Variants in SAP130 observed in about 807,000 individuals in gnomAD.
SAP130 encodes Sin3A associated protein 130.
In SAP130, 16 loss-of-function variants were observed where a neutral mutation model predicts 103.2. The observed-to-expected ratio is 0.16, with a 90% confidence interval of 0.10 to 0.24. SAP130 has a LOEUF of 0.24. Ranked by LOEUF, SAP130 falls within the 10% of genes least tolerant of loss-of-function variation. The pLI is 1.00. For synonymous variants in SAP130, 477 were observed against 497.0 expected, an observed-to-expected ratio of 0.96 and a Z score of 0.53; for missense variants, 990 against 1,359.7, an observed-to-expected ratio of 0.73 and a Z score of 4.28.
In SAP130 at chr2:127,942,315, A is replaced by G; in HGVS notation, c.3015+109T>C. 9.3e-7 allele frequency: 1 copy of G among 1,079,944 alleles called. No individual in the cohort carries two copies. The highest frequency in any genetic ancestry group is 1.4e-6 in the Non-Finnish European group (1 of 718,318). 66.9% of individuals were successfully genotyped at this position (1,079,944 alleles called of 1,614,324 possible). Reference sequence around the variant, plus strand: ...CTCAGGAGTGCAGGCTGAAGCACGTATGTTTTTACTGAAGATATGAGGGAG... The same window carrying G: ...CTCAGGAGTGCAGGCTGAAGCACGTGTGTTTTTACTGAAGATATGAGGGAG... On this transcript the variant is annotated intron_variant, in intron 20 of 20. Transcript: ENST00000643581. The surrounding 1 kb of genome is among the most constrained non-coding windows in gnomAD (Gnocchi z 4.8).
chr2:128,024,575 A>G (rs934369650), intron 2 of SAP130, among the ~76,000 whole-genome samples: 1 of 151,740 alleles, frequency 6.6e-6, no homozygotes, highest in Non-Finnish European at 1.5e-5. Flanking sequence ...TTAGCTGAAC[A>G]TGTGGCTGGG....
chr2:127,983,802 G>T (rs1012539283), intron 14 of SAP130, among the ~76,000 whole-genome samples: 5 of 123,934 alleles, frequency 4.0e-5, no homozygotes, highest in Non-Finnish European at 8.6e-5. Context: ...TTCAGTTTTG[G>T]TAATTTTCTA....
Position 127,941,709 on chromosome 2 carries a change from C to A in SAP130, c.*297G>T, listed in dbSNP as rs977096343. 7.7e-6 allele frequency: 3 copies of A among 388,550 alleles called. No homozygotes were observed. Among genetic ancestry groups the A allele is most frequent in the African/African-American group, 4.3e-5 (2 of 46,424 alleles). 24.1% of individuals were successfully genotyped at this position (388,550 alleles called of 1,614,324 possible). ...CTATAAACCGGAAGGCTGAAAAACA[C>A]CAGCCAGCCATCCTTGTCATTGCTT... On this transcript the variant is annotated 3_prime_UTR_variant, in exon 21 of 21. Transcript: ENST00000643581.
At chr2:127,952,246 T>A (rs1573633706) in intron 16 of SAP130, among the ~76,000 whole-genome samples, 1 of 151,810 alleles carries the variant, frequency 6.6e-6, no homozygotes, top group Non-Finnish European at 1.5e-5. Context: ...AGATCAGGAG[T>A]TCGAGACCAG....
intron 2 of SAP130, among the ~76,000 whole-genome samples, chr2:128,025,070 A>T (rs926823015): frequency 1.3e-5 from 2 of 151,498 alleles, no homozygotes; most frequent in African/African-American, 4.9e-5. Context: ...ATCATTTACC[A>T]TAAGGAACAC....
chr2:127,999,678 G>T, intron 10 of SAP130, 63 bp downstream of exon 10: 1 of 821,236 alleles, frequency 1.2e-6, no homozygotes, highest in Non-Finnish European at 1.9e-6. Context: ...CACCATGAAG[G>T]CCTAGTCTGA....
rs1026486029 is a variant in SAP130 at position 127,941,759 on chromosome 2, C to T, written c.*247G>A. On this transcript the variant is annotated 3_prime_UTR_variant, in exon 21 of 21. Coordinates refer to ENST00000643581, the MANE Select transcript of SAP130 (RefSeq NM_001330301.2). The stretch of plus-strand genomic sequence containing the variant: ...TCCAACTGGTGGACACTGATGCATC[C>T]GGAGTCACTTATGACACAGATCAGG... 2.1e-4 allele frequency: 100 copies of T among 485,386 alleles called. 2 individuals carry two copies. The Admixed American group carries it at 3.2e-3, about 16-fold the overall frequency. The allele number at this position is 485,386 out of a possible 1,614,324, so 30.1% of individuals were successfully genotyped here.
In SAP130 at chr2:128,026,309, TAC is replaced by T. The variant is rs756458887; in HGVS notation, c.-6-13_-6-12del. ...AGAACTCATTTCCACCTGTAGTACA[TAC>T]AGTTATATGGTTATTACTAGATTCT... On this transcript the variant is annotated splice_polypyrimidine_tract_variant and intron_variant, in intron 1 of 20. Coordinates refer to ENST00000643581, the MANE Select transcript of SAP130 (RefSeq NM_001330301.2). 6.5e-7 allele frequency: 1 copy of T among 1,547,084 alleles called. No homozygotes were observed. Among genetic ancestry groups the T allele is most frequent in the African/African-American group, 1.4e-5 (1 of 73,736 alleles).
intron 14 of SAP130, among the ~76,000 whole-genome samples, chr2:127,985,984 G>T (rs1682356394): frequency 6.6e-6 from 1 of 152,168 alleles, no homozygotes; most frequent in Non-Finnish European, 1.5e-5. Flanking sequence ...TTTGGCCAGG[G>T]CAGTCAAGAG....
chr2:128,013,313 T>A (rs1274510446), intron 5 of SAP130, among the ~76,000 whole-genome samples, 159 bp from the exon 6 acceptor site: 1 of 152,182 alleles, frequency 6.6e-6, no homozygotes, highest in African/African-American at 2.4e-5. Context: ...AAATGTGTAT[T>A]CAAGAGATTT....
At chr2:128,013,989 A>G (rs1168276010) in intron 5 of SAP130, among the ~76,000 whole-genome samples, 1 of 152,242 alleles carries the variant, frequency 6.6e-6, no homozygotes, top group Admixed American at 6.5e-5. Flanking sequence ...TTCAGTATTA[A>G]TATTTGTGAC....
Position 127,941,783 on chromosome 2 carries a change from G to C in SAP130, c.*223C>G, listed in dbSNP as rs987231277. Reference sequence around the variant, plus strand: ...CCGGAGTCACTTATGACACAGATCAGGTTTAACAGGGGTGCACCCGAACGC... The same window carrying C: ...CCGGAGTCACTTATGACACAGATCACGTTTAACAGGGGTGCACCCGAACGC... On this transcript the variant is annotated 3_prime_UTR_variant, in exon 21 of 21. Transcript: ENST00000643581. The C allele has an allele frequency of 1.8e-6, 1 of 543,228 alleles. No homozygotes were observed. The highest frequency in any genetic ancestry group is 2.4e-5 in the South Asian group (1 of 41,252). The allele number at this position is 543,228 out of a possible 1,614,324, so 33.7% of individuals were successfully genotyped here.
Position 127,996,263 on chromosome 2 carries a change from A to G in SAP130, c.1355+87T>C. 8.1e-7 allele frequency: 1 copy of G among 1,237,748 alleles called. No homozygotes were observed. The highest frequency in any genetic ancestry group is 2.5e-5 in the South Asian group (1 of 40,764). 76.7% of individuals were successfully genotyped at this position (1,237,748 alleles called of 1,614,324 possible). A position where few individuals can be genotyped will look rare whatever the true frequency, so the allele number is the denominator to read the frequency against. On this transcript the variant is annotated intron_variant, in intron 11 of 20. Coordinates refer to ENST00000643581, the MANE Select transcript of SAP130 (RefSeq NM_001330301.2). This position sits in a 1 kb window ranked among gnomAD's most constrained non-coding sequence, Gnocchi z 4.3. ...AAAACATGAGTAATAAATATAGGCC[A>G]TATTTGTGGGACACTTTGTTTTATG...
Position 127,941,952 on chromosome 2 carries a change from A to ACCCCCC in SAP130, c.*53_*54insGGGGGG. 2 of 200,450 alleles carry ACCCCCC rather than the reference A, an allele frequency of 1.0e-5. No homozygotes were observed. Among genetic ancestry groups the ACCCCCC allele is most frequent in the Non-Finnish European group, 9.1e-6 (1 of 109,970 alleles). 12.4% of individuals were successfully genotyped at this position (200,450 alleles called of 1,614,324 possible). A position where few individuals can be genotyped will look rare whatever the true frequency, so the allele number is the denominator to read the frequency against. On this transcript the variant is annotated 3_prime_UTR_variant, in exon 21 of 21. Coordinates refer to ENST00000643581, the MANE Select transcript of SAP130 (RefSeq NM_001330301.2). ...TGGAAAAAACCAAAACCCTCCCCCC[A>ACCCCCC]CCCCCACCATCATTCTTCATAAATT...
intron 16 of SAP130, among the ~76,000 whole-genome samples, chr2:127,950,652 G>A (rs1445760607): frequency 6.6e-6 from 1 of 152,194 alleles, no homozygotes; most frequent in African/African-American, 2.4e-5. Flanking sequence ...ATGATATTCA[G>A]CTAAAGAATG....
intron 10 of SAP130, among the ~76,000 whole-genome samples, chr2:127,998,525 C>G (rs537123082): frequency 6.6e-6 from 1 of 152,186 alleles, no homozygotes; most frequent in Admixed American, 6.5e-5. Flanking sequence ...ATCAGGTTTC[C>G]CTTCTCAACT....
chr2:127,950,197 C>T lies in SAP130; in HGVS notation c.2634G>A (p.Lys878=). ...EKSTAKSLLV[K]AEKRKSPPKE... is the part of the protein sequence containing the mutation. ...TGGGAGGAGACTTGCGCTTCTCAGC[C>T]TTCACCAGAAGACTCTTGGCAGTGG... The change falls in exon 17 of 21, where the codon AAG becomes AAA. Residue 878 remains lysine (K), a synonymous_variant. Transcript: ENST00000643581. 2 of 1,614,210 alleles carry T rather than the reference C, an allele frequency of 1.2e-6. No individual in the cohort carries two copies. The highest frequency in any genetic ancestry group is 1.3e-5 in the African/African-American group (1 of 75,048).
intron 18 of SAP130, among the ~76,000 whole-genome samples, chr2:127,949,289 G>A (rs1056685513): frequency 6.6e-6 from 1 of 152,100 alleles, no homozygotes; most frequent in Non-Finnish European, 1.5e-5. Context: ...AAGTCCATCC[G>A]TAGAAATATT....
chr2:127,948,589 G>A (rs1418820792), intron 18 of SAP130, among the ~76,000 whole-genome samples: 2 of 151,140 alleles, frequency 1.3e-5, no homozygotes, highest in Non-Finnish European at 3.0e-5. Context: ...TGATCCGCCC[G>A]CCTCGGCCTC....
Sources: gnomAD v4.1 joint callset for allele counts (sites outside exome capture counted in the v4.1 genomes callset) on GRCh38, gnomAD v4.1.1 for gene constraint, Gnocchi (gnomAD v3.1) non-coding constraint, MANE v1.5 for transcripts, NCBI Gene and HGNC (gene_info 2026-07-23, HGNC 2026-07-21) for gene names.